The following SIPA1L2 variants were observed in gnomAD, a reference collection of about 807,000 sequenced individuals.
SIPA1L2 encodes signal induced proliferation associated 1 like 2.
A neutral mutation model predicts 163.9 loss-of-function variants in SIPA1L2; 56 were observed. The ratio of observed to expected loss-of-function variants is 0.34; its 90% CI spans 0.28 to 0.43. The LOEUF (loss-of-function observed/expected upper bound fraction) is 0.43. Among genes scored for constraint, SIPA1L2 ranks in the 20% least tolerant of loss-of-function variants. SIPA1L2 has a pLI of 1.00. For synonymous variants in SIPA1L2, 877 were observed against 865.7 expected, an observed-to-expected ratio of 1.01 and a Z score of -0.23; for missense variants, 1,974 against 2,193.5, an observed-to-expected ratio of 0.90 and a Z score of 2.00.
At chr1:232,444,619 T>C (rs1353907080) in intron 11 of SIPA1L2, among the ~76,000 whole-genome samples, 1 of 152,148 alleles carries the variant, frequency 6.6e-6, no homozygotes, top group Non-Finnish European at 1.5e-5. Context: ...TAATTCTGGT[T>C]AATATTTATA....
chr1:232,500,689 T>C (rs1572990926), intron 3 of SIPA1L2, among the ~76,000 whole-genome samples: 2 of 152,252 alleles, frequency 1.3e-5, no homozygotes, highest in South Asian at 4.1e-4. Flanking sequence ...TTTCTTTTGA[T>C]GGAATCCACT....
At chr1:232,408,009 G>A (rs1660737997) in intron 19 of SIPA1L2, among the ~76,000 whole-genome samples, 1 of 152,046 alleles carries the variant, frequency 6.6e-6, no homozygotes, top group African/African-American at 2.4e-5. Context: ...ACATTATCAG[G>A]TACCCCCAAA....
At chr1:232,466,769 C>T (rs1035746147) in intron 8 of SIPA1L2, among the ~76,000 whole-genome samples, 5 of 151,846 alleles carry the variant, frequency 3.3e-5, no homozygotes, top group Non-Finnish European at 5.9e-5. Context: ...CCAGCCTGGG[C>T]GACAAAGCAA....
chr1:232,574,452 A>G (rs200908591), intron 1 of SIPA1L2, among the ~76,000 whole-genome samples: 1 of 150,664 alleles, frequency 6.6e-6, no homozygotes, highest in African/African-American at 2.4e-5. Flanking sequence ...AGAAGCAGGT[A>G]AGAGAATCCA....
chr1:232,423,195 C>A (rs746559387), intron 18 of SIPA1L2, among the ~76,000 whole-genome samples: 1 of 152,094 alleles, frequency 6.6e-6, no homozygotes, highest in Non-Finnish European at 1.5e-5. Context: ...GTGCTGAGTA[C>A]GTTTAAGGTA....
At chr1:232,503,361 G>A (rs530041024) in intron 3 of SIPA1L2, among the ~76,000 whole-genome samples, 3 of 152,202 alleles carry the variant, frequency 2.0e-5, no homozygotes, top group Non-Finnish European at 4.4e-5. Context: ...TGGGGGCAGG[G>A]GTGGTACATT....
At chr1:232,582,082 A>C (rs1047056121) in intron 1 of SIPA1L2, among the ~76,000 whole-genome samples, 2 of 152,252 alleles carry the variant, frequency 1.3e-5, no homozygotes, top group African/African-American at 2.4e-5. Flanking sequence ...ATGGTTGGTG[A>C]AATGAATAAG....
intron 2 of SIPA1L2, among the ~76,000 whole-genome samples, chr1:232,528,102 A>ATATATATATATATATATAT (rs34779799): frequency 9.6e-4 from 114 of 118,394 alleles, no homozygotes; most frequent in African/African-American, 1.7e-3. Flanking sequence ...ATATATATAT[A>ATATATATATATATATATAT]ATCAACTTTC....
At chr1:232,419,967 G>A (rs989669905) in intron 18 of SIPA1L2, among the ~76,000 whole-genome samples, 8 of 152,172 alleles carry the variant, frequency 5.3e-5, no homozygotes, top group Non-Finnish European at 1.0e-4. Flanking sequence ...CCTTCAAAGA[G>A]CCCTGTCAAC....
At chr1:232,623,045 C>T (rs1166114190) in intron 1 of SIPA1L2, among the ~76,000 whole-genome samples, 2 of 152,112 alleles carry the variant, frequency 1.3e-5, no homozygotes, top group Non-Finnish European at 2.9e-5. Context: ...TTATTAAAAT[C>T]GAACAGGAGG....
chr1:232,471,816 A>C (rs1035668171), intron 7 of SIPA1L2, among the ~76,000 whole-genome samples: 1 of 152,196 alleles, frequency 6.6e-6, no homozygotes, highest in African/African-American at 2.4e-5. Flanking sequence ...CCCCTAAAAT[A>C]ATAGCATGTT....
At chr1:232,547,604 G>T (rs908762025) in intron 2 of SIPA1L2, among the ~76,000 whole-genome samples, 1 of 150,876 alleles carries the variant, frequency 6.6e-6, no homozygotes, top group African/African-American at 2.4e-5. Context: ...GGGCAGGGTG[G>T]GGCAGATAAG....
At chr1:232,582,869 G>T (rs764736174) in intron 1 of SIPA1L2, among the ~76,000 whole-genome samples, 3 of 152,164 alleles carry the variant, frequency 2.0e-5, no homozygotes, top group Admixed American at 2.0e-4. Context: ...CCTCCATGTG[G>T]TGTTGAAAAT....
chr1:232,470,947 C>T (rs1053791636), intron 8 of SIPA1L2, among the ~76,000 whole-genome samples: 1 of 152,108 alleles, frequency 6.6e-6, no homozygotes, highest in Non-Finnish European at 1.5e-5. Flanking sequence ...TTCCAAGGCA[C>T]GCATGTGGCC....
intron 1 of SIPA1L2, among the ~76,000 whole-genome samples, chr1:232,610,686 G>A (rs1399130757): frequency 6.6e-6 from 1 of 152,086 alleles, no homozygotes; most frequent in Non-Finnish European, 1.5e-5. Flanking sequence ...TAGGCCGCCA[G>A]AAGAGCTCAG....
chr1:232,415,569 C>T lies in SIPA1L2; in HGVS notation c.4687G>A (p.Gly1563Ser), dbSNP rs1424542886. The change falls in exon 19 of 23, where the codon GGC (glycine) becomes AGC (serine). Residue 1563 changes from glycine to serine, a missense_variant. Physicochemically the swap from Gly to Ser is moderately conservative, Grantham distance 56. This residue lies in a region of SIPA1L2 where 1,079 missense variants were observed against 1,150.7 expected (regional missense o/e 0.94). Coordinates refer to ENST00000674635, the MANE Select transcript of SIPA1L2 (RefSeq NM_020808.5). ...LSDKSKCADP[G>S]LMPLPDTATG... Reference sequence around the variant, plus strand: ...GCTGTGTCCGGGAGGGGCATCAGGCCAGGATCTGCGCACTTGGACTTATCT... The same window carrying T: ...GCTGTGTCCGGGAGGGGCATCAGGCTAGGATCTGCGCACTTGGACTTATCT... 1 of 1,613,994 alleles carries T rather than the reference C, an allele frequency of 6.2e-7. No individual in the cohort carries two copies. The highest frequency in any genetic ancestry group is 8.5e-7 in the Non-Finnish European group (1 of 1,179,932).
chr1:232,552,397 T>C (rs1308494510), intron 2 of SIPA1L2, among the ~76,000 whole-genome samples: 1 of 151,934 alleles, frequency 6.6e-6, no homozygotes, highest in Non-Finnish European at 1.5e-5. Context: ...TTAGTAAATA[T>C]TCGTTTTCTG....
At chr1:232,519,981 T>C (rs1036982480) in intron 2 of SIPA1L2, among the ~76,000 whole-genome samples, 7 of 152,194 alleles carry the variant, frequency 4.6e-5, no homozygotes, top group African/African-American at 1.7e-4. Context: ...CAGACTAATC[T>C]TCTATATGAG....
At chr1:232,524,086 G>C (rs1197542426) in intron 2 of SIPA1L2, among the ~76,000 whole-genome samples, 1 of 152,128 alleles carries the variant, frequency 6.6e-6, no homozygotes, top group Admixed American at 6.5e-5. Flanking sequence ...GAGTTTTGCT[G>C]AACAGTTTTA....
Sources: gnomAD v4.1 joint callset for allele counts (sites outside exome capture counted in the v4.1 genomes callset) on GRCh38, gnomAD v4.1.1 for gene constraint, gnomAD v4.1.1 regional missense constraint, MANE v1.5 for transcripts, NCBI Gene and HGNC (gene_info 2026-07-23, HGNC 2026-07-21) for gene names.